EIF3H: variants seen among roughly 807,000 people sequenced by gnomAD.
EIF3H encodes the protein eIF-3-gamma.
EIF3H carries 26 observed loss-of-function variants against 44.2 expected under a neutral mutation model. That is an observed-to-expected ratio of 0.59 (90% CI 0.43 to 0.82). The LOEUF is 0.82. EIF3H is among the 40% of genes least tolerant of loss of function. The probability of loss-of-function intolerance (pLI) is 0.00; values close to 1 mark genes in which losing one functional copy is unlikely to be tolerated. For synonymous variants in EIF3H, 166 were observed against 151.9 expected, an observed-to-expected ratio of 1.09 and a Z score of -0.68; for missense variants, 359 against 432.8, an observed-to-expected ratio of 0.83 and a Z score of 1.51.
At chr8:116,751,982 A>C (rs1815351910) in intron 1 of EIF3H, among the ~76,000 whole-genome samples, 1 of 152,152 alleles carries the variant, frequency 6.6e-6, no homozygotes, top group Admixed American at 6.5e-5. Context: ...ACCTATGTCA[A>C]GCAGAGACTA....
intron 1 of EIF3H, 103 bp downstream of exon 1, chr8:116,755,563 C>CCACACCAAGCCCAAGGGGGAGAA (rs1218817258): frequency 2.7e-6 from 4 of 1,507,028 alleles, no homozygotes; most frequent in Admixed American, 2.1e-5. Context: ...TTTGGCCCAG[C>CCACACCAAGCCCAAGGGGGAGAA]CACACCAAGC....
intron 2 of EIF3H, among the ~76,000 whole-genome samples, chr8:116,667,082 T>C (rs1009594541): frequency 3.3e-5 from 5 of 152,102 alleles, no homozygotes; most frequent in East Asian, 1.9e-4. Context: ...AATTAGAATA[T>C]AGAAACTAGA....
chr8:116,730,693 T>C (rs1322587076), intron 1 of EIF3H, among the ~76,000 whole-genome samples: 1 of 152,160 alleles, frequency 6.6e-6, no homozygotes, highest in Admixed American at 6.6e-5. Context: ...TTGTTTCCCC[T>C]CGTGAATGTT....
At chr8:116,743,625 T>G (rs1355801152) in intron 1 of EIF3H, among the ~76,000 whole-genome samples, 1 of 151,156 alleles carries the variant, frequency 6.6e-6, no homozygotes, top group Non-Finnish European at 1.5e-5. Flanking sequence ...TGTGGTAACA[T>G]GCACCCATTA....
chr8:116,722,950 C>T (rs149550102), intron 2 of EIF3H, among the ~76,000 whole-genome samples: 1,566 of 152,148 alleles, frequency 0.01, 27 homozygotes, highest in African/African-American at 0.035. Flanking sequence ...AGTACATGTT[C>T]GTGAAATAAA....
chr8:116,645,072 C>T lies in EIF3H; in HGVS notation c.993G>A (p.Lys331=), dbSNP rs377573830. 2 of 1,614,090 alleles carry T rather than the reference C, an allele frequency of 1.2e-6. No homozygotes were observed. Among genetic ancestry groups the T allele is most frequent in the Non-Finnish European group, 1.7e-6 (2 of 1,179,978 alleles). ...TGCCTAAGTTTTGGGCAGTGAACTCCTTGATGTTCTGGCAGTAAGTGTTTA... is the reference window on the plus strand; with the variant it reads ...TGCCTAAGTTTTGGGCAGTGAACTCTTTGATGTTCTGGCAGTAAGTGTTTA... ...GQINTYCQNI[K]EFTAQNLGKL... Residue 331 remains lysine, a synonymous_variant, in exon 8 of 8, where the codon AAG becomes AAA. Coordinates refer to ENST00000521861, the MANE Select transcript of EIF3H (RefSeq NM_003756.3).
chr8:116,744,225 A>AAC (rs1554603314), intron 1 of EIF3H, among the ~76,000 whole-genome samples: 16 of 151,608 alleles, frequency 1.1e-4, no homozygotes, highest in African/African-American at 2.9e-4. Context: ...AAAAAAAAAA[A>AAC]AAACAAACAG....
intron 5 of EIF3H, among the ~76,000 whole-genome samples, chr8:116,651,771 T>C (rs1813398161): frequency 1.3e-5 from 2 of 152,204 alleles, no homozygotes; most frequent in African/African-American, 4.8e-5. Context: ...ACTTAAGTAT[T>C]AGAATTGGGC....
chr8:116,765,084 T>C (rs1169008511), intron 1 of EIF3H, among the ~76,000 whole-genome samples: 1 of 152,130 alleles, frequency 6.6e-6, no homozygotes, highest in African/African-American at 2.4e-5. Context: ...TTAACTGTTT[T>C]GCAAGACTCA....
intron 6 of EIF3H, among the ~76,000 whole-genome samples, chr8:116,647,333 C>A (rs1275550127): frequency 1.3e-5 from 2 of 152,222 alleles, no homozygotes; most frequent in Non-Finnish European, 2.9e-5. Flanking sequence ...AACCCCTGAC[C>A]TCGTGATCCA....
upstream of EIF3H, among the ~76,000 whole-genome samples, chr8:116,758,047 T>G (rs555623935): frequency 2.7e-3 from 410 of 152,208 alleles, 2 homozygotes; most frequent in African/African-American, 9.3e-3. Flanking sequence ...AATATACCAA[T>G]TAAAGGAAAA....
chr8:116,755,568 C>G, intron 1 of EIF3H, 98 bp downstream of exon 1: 1 of 1,539,258 alleles, frequency 6.5e-7, no homozygotes, highest in Non-Finnish European at 8.8e-7. Context: ...CCCAGCCACA[C>G]CAAGCCCAAG....
At chr8:116,760,559 G>A (rs1208118126), upstream of EIF3H, among the ~76,000 whole-genome samples, 1 of 152,140 alleles carries the variant, frequency 6.6e-6, no homozygotes, top group Non-Finnish European at 1.5e-5. Context: ...TTTCATCCCA[G>A]TATTTTGATT....
intron 2 of EIF3H, among the ~76,000 whole-genome samples, chr8:116,685,940 G>C (rs1814068309): frequency 6.6e-6 from 1 of 152,130 alleles, no homozygotes. Context: ...TACAGTAATA[G>C]AAATCAACGG....
At chr8:116,752,722 A>AAGAGAG (rs547151119) in intron 1 of EIF3H, among the ~76,000 whole-genome samples, 2 of 111,150 alleles carry the variant, frequency 1.8e-5, no homozygotes, top group Admixed American at 1.1e-4. Context: ...GAAAGAAAGA[A>AAGAGAG]AGAAAGAAAG....
chr8:116,645,130 C>A (rs746821185), intron 7 of EIF3H, 27 bp from the exon 8 acceptor site: 7 of 1,539,100 alleles, frequency 4.5e-6, no homozygotes, highest in Non-Finnish European at 6.3e-6. Context: ...GAGATAGAGC[C>A]ATAATGTTCC....
intron 6 of EIF3H, 129 bp downstream of exon 6, chr8:116,648,677 T>G (rs1279796571): frequency 4.4e-6 from 5 of 1,128,030 alleles, no homozygotes; most frequent in Non-Finnish European, 5.8e-6. Flanking sequence ...AATAATCTTT[T>G]AAAAATATAA....
At chr8:116,755,122 C>T (rs1376593713) in intron 1 of EIF3H, among the ~76,000 whole-genome samples, 1 of 152,174 alleles carries the variant, frequency 6.6e-6, no homozygotes, top group East Asian at 1.9e-4. Context: ...ACATTTAAGG[C>T]CCTTCTCTTT....
At chr8:116,693,412 A>G (rs920566960) in intron 2 of EIF3H, among the ~76,000 whole-genome samples, 3 of 152,210 alleles carry the variant, frequency 2.0e-5, no homozygotes, top group African/African-American at 7.2e-5. Context: ...GGCACCACCT[A>G]CGTGGTAACA....
Sources: allele counts gnomAD v4.1 joint callset (sites outside exome capture counted in the v4.1 genomes callset), GRCh38; gene constraint gnomAD v4.1.1; transcripts MANE v1.5; gene names NCBI Gene and HGNC (gene_info 2026-07-23, HGNC 2026-07-21).